Variants in ARHGAP28 observed in about 807,000 individuals in gnomAD.
The protein encoded by ARHGAP28 is Rho GTPase activating protein 28.
ARHGAP28 carries 56 observed loss-of-function variants against 90.7 expected under a neutral mutation model. The ratio of observed to expected loss-of-function variants is 0.62; its 90% CI spans 0.50 to 0.77. ARHGAP28 has a LOEUF of 0.77. Among genes scored for constraint, ARHGAP28 ranks in the 30% least tolerant of loss-of-function variants. ARHGAP28 has a pLI of 0.00. For missense variants in ARHGAP28, 869 were observed against 900.9 expected, an observed-to-expected ratio of 0.96 and a Z score of 0.45; for synonymous variants, 308 against 323.3, an observed-to-expected ratio of 0.95 and a Z score of 0.51.
At chr18:6,873,824 G>C in intron 9 of ARHGAP28, 49 bp downstream of exon 9, 1 of 1,492,498 alleles carries the variant, frequency 6.7e-7, no homozygotes, top group Non-Finnish European at 9.3e-7. Context: ...TCATGCTTAT[G>C]ATTTGGCACT....
intron 1 of ARHGAP28, among the ~76,000 whole-genome samples, chr18:6,811,515 T>A (rs954395461): frequency 6.6e-6 from 1 of 152,198 alleles, no homozygotes; most frequent in Non-Finnish European, 1.5e-5. Context: ...CTATTATATG[T>A]CTATTAAGTA....
In ARHGAP28 at chr18:6,880,421, A is replaced by G. The variant is rs375571277; in HGVS notation, c.1291-1716A>G. On this transcript the variant is annotated intron_variant, in intron 10 of 17. Transcript: ENST00000383472. ...GGTTCTTTGCCTGTCACTCGCTTCC[A>G]CCCACCCGACCTATGCCAAGCTCCA... Among the ~76,000 whole-genome samples the G allele has an allele frequency of 2.5e-4, 38 of 152,132 alleles. No homozygotes were observed. The East Asian group carries it at 4.1e-3, about 16-fold the overall frequency.
chr18:6,849,218 G>A (rs946711892), intron 3 of ARHGAP28, among the ~76,000 whole-genome samples: 1 of 138,800 alleles, frequency 7.2e-6, no homozygotes, highest in African/African-American at 2.7e-5. Context: ...TGATCTCACT[G>A]TTAAACTCCA....
intron 1 of ARHGAP28, among the ~76,000 whole-genome samples, chr18:6,755,704 G>A (rs1017770495): frequency 6.6e-6 from 1 of 152,070 alleles, no homozygotes; most frequent in African/African-American, 2.4e-5. Context: ...TATAACCTGG[G>A]GTTTTCTGAG....
intron 9 of ARHGAP28, among the ~76,000 whole-genome samples, chr18:6,875,664 G>C (rs1392751397): frequency 6.6e-6 from 1 of 152,134 alleles, no homozygotes; most frequent in Non-Finnish European, 1.5e-5. Flanking sequence ...ACCATCCTGA[G>C]AACTCACGAA....
At chr18:6,789,021 T>C (rs2056386973) in intron 1 of ARHGAP28, 2 of 152,214 alleles carry the variant, frequency 1.3e-5, no homozygotes, top group South Asian at 4.1e-4. Context: ...ATAAATGTAT[T>C]ACTTGGCCTG....
chr18:6,765,221 G>A (rs371401124), intron 1 of ARHGAP28, among the ~76,000 whole-genome samples: 1 of 152,114 alleles, frequency 6.6e-6, no homozygotes, highest in Admixed American at 6.5e-5. Flanking sequence ...GTGCAAGTTT[G>A]GTTTCTTCCT....
intron 10 of ARHGAP28, among the ~76,000 whole-genome samples, chr18:6,876,964 C>A (rs923901470): frequency 6.6e-6 from 1 of 152,168 alleles, no homozygotes; most frequent in African/African-American, 2.4e-5. Flanking sequence ...ATGGAGAGCT[C>A]ATTCCTGTGG....
chr18:6,896,725 T>A, intron 16 of ARHGAP28, 99 bp downstream of exon 16: 1 of 1,396,044 alleles, frequency 7.2e-7, no homozygotes, highest in Non-Finnish European at 9.7e-7. Flanking sequence ...TTGTAAAATA[T>A]AGAACCTGTT....
intron 1 of ARHGAP28, among the ~76,000 whole-genome samples, chr18:6,769,728 C>A (rs1268791641): frequency 6.6e-6 from 1 of 152,198 alleles, no homozygotes; most frequent in Non-Finnish European, 1.5e-5. Flanking sequence ...TCTTATACTG[C>A]ACACTACCTT....
At chr18:6,805,543 T>C (rs993055914) in intron 1 of ARHGAP28, among the ~76,000 whole-genome samples, 1 of 138,900 alleles carries the variant, frequency 7.2e-6, no homozygotes, top group Admixed American at 7.7e-5. Flanking sequence ...TGGAGTGCAA[T>C]GGCACGATCT....
At chr18:6,836,761 G>A (rs1275799952) in intron 2 of ARHGAP28, among the ~76,000 whole-genome samples, 2 of 152,144 alleles carry the variant, frequency 1.3e-5, no homozygotes, top group South Asian at 2.1e-4. Context: ...CTGAGGCCTC[G>A]AGATATCGTT....
At chr18:6,849,341 T>C (rs1341440325) in intron 3 of ARHGAP28, among the ~76,000 whole-genome samples, 1 of 151,324 alleles carries the variant, frequency 6.6e-6, no homozygotes, top group Non-Finnish European at 1.5e-5. Flanking sequence ...AAGAGAACAC[T>C]GAAGTTATTC....
chr18:6,737,109 T>G (rs761254298), intron 1 of ARHGAP28, among the ~76,000 whole-genome samples: 5 of 152,202 alleles, frequency 3.3e-5, no homozygotes, highest in Non-Finnish European at 7.3e-5. Flanking sequence ...AAATGTTATA[T>G]AGCAAAGCAG....
At chr18:6,880,635 G>A (rs1296941244) in intron 10 of ARHGAP28, among the ~76,000 whole-genome samples, 1 of 152,180 alleles carries the variant, frequency 6.6e-6, no homozygotes, top group African/African-American at 2.4e-5. Flanking sequence ...TGAATGAACT[G>A]GAGTTCCCCA....
chr18:6,841,180 C>CCTCTCTCTCTCTCTCTCT (rs143797436), intron 3 of ARHGAP28, among the ~76,000 whole-genome samples: 4 of 57,068 alleles, frequency 7.0e-5, no homozygotes, highest in Admixed American at 1.8e-4. Context: ...CTCTCTCTCT[C>CCTCTCTCTCTCTCTCTCT]CTCTCTCTCT....
At chr18:6,900,685 A>G (rs1567988031) in intron 16 of ARHGAP28, among the ~76,000 whole-genome samples, 1 of 141,794 alleles carries the variant, frequency 7.1e-6, no homozygotes, top group Admixed American at 7.2e-5. Context: ...GAGTCTAACA[A>G]GTGAGCTAAA....
chr18:6,751,549 T>C (rs1259517941), intron 1 of ARHGAP28, among the ~76,000 whole-genome samples: 2 of 152,184 alleles, frequency 1.3e-5, no homozygotes, highest in Non-Finnish European at 2.9e-5. Context: ...TGGAAAATGA[T>C]GGCCATGAGG....
chr18:6,759,363 C>T (rs4293459), intron 1 of ARHGAP28, among the ~76,000 whole-genome samples: 88,625 of 152,022 alleles, frequency 0.58, 27,937 homozygotes, highest in Non-Finnish European at 0.7. Flanking sequence ...GATCAATAAA[C>T]GCCTGTGTTT....
Sources: allele counts gnomAD v4.1 joint callset (sites outside exome capture counted in the v4.1 genomes callset), GRCh38; gene constraint gnomAD v4.1.1; transcripts MANE v1.5; gene names NCBI Gene and HGNC (gene_info 2026-07-23, HGNC 2026-07-21).